The following SP110 variants were observed in gnomAD, a reference collection of about 807,000 sequenced individuals.
SP110 encodes SP110 nuclear body protein.
A neutral mutation model predicts 92.7 loss-of-function variants in SP110; 62 were observed. That is an observed-to-expected ratio of 0.67 (90% CI 0.55 to 0.83). SP110 has a LOEUF of 0.83. Ranked by LOEUF, SP110 falls within the 40% of genes least tolerant of loss-of-function variation. The pLI, the probability that SP110 is intolerant of heterozygous loss-of-function variation, is 0.00. For synonymous variants in SP110, 273 were observed against 305.3 expected (o/e 0.89, Z 1.10); for missense variants, 793 against 863.9 (o/e 0.92, Z 1.03).
At chr2:230,216,100 G>A (rs1011364713) in intron 2 of SP110, among the ~76,000 whole-genome samples, 1 of 152,190 alleles carries the variant, frequency 6.6e-6, no homozygotes, top group South Asian at 2.1e-4. Flanking sequence ...GTGCCTGCCT[G>A]TCTCACATCA....
intron 1 of SP110, among the ~76,000 whole-genome samples, chr2:230,225,309 A>G (rs192127634): frequency 1.3e-5 from 2 of 152,300 alleles, no homozygotes; most frequent in Admixed American, 1.3e-4. Context: ...ATGGAGTGCT[A>G]AGAGCATCTC....
At chr2:230,176,576 T>A (rs2041867394) in intron 14 of SP110, 2 of 1,610,616 alleles carry the variant, frequency 1.2e-6, no homozygotes, top group South Asian at 2.2e-5. Flanking sequence ...AATGTGGAGG[T>A]GACTCAGAGC....
rs3820974 is a variant in SP110 at position 230,211,574 on chromosome 2, T to G, written c.668-21A>C. 0.46 allele frequency: 674,208 copies of G among 1,472,124 alleles called. 157,209 individuals are homozygous for G. The highest frequency in any genetic ancestry group is 0.7 in the East Asian group (30,898 of 44,262). 91.2% of individuals were successfully genotyped at this position (1,472,124 alleles called of 1,614,324 possible). ...GGCCACTGAATGGAGGAAGAAAAAG[T>G]TTTAGATCTCAGGAACAGCAAGCAG... On this transcript the variant is annotated intron_variant, in intron 5 of 18. Coordinates refer to ENST00000258381, the MANE Select transcript of SP110 (RefSeq NM_080424.4). This position sits in a 1 kb window ranked among gnomAD's most constrained non-coding sequence, Gnocchi z 4.2.
chr2:230,183,878 T>A (rs1305970998), intron 11 of SP110, among the ~76,000 whole-genome samples: 1 of 152,188 alleles, frequency 6.6e-6, no homozygotes, highest in East Asian at 1.9e-4. Flanking sequence ...TTAATATATG[T>A]CAATACATTT....
chr2:230,182,718 G>A (rs1260167211), intron 12 of SP110, among the ~76,000 whole-genome samples: 3 of 152,202 alleles, frequency 2.0e-5, no homozygotes, highest in Admixed American at 6.5e-5. Flanking sequence ...CTGGGTGTGC[G>A]GGTGCATTTT....
intron 4 of SP110, 109 bp from the exon 5 acceptor site, chr2:230,212,539 G>C (rs574652841): frequency 6.1e-5 from 65 of 1,073,874 alleles, no homozygotes; most frequent in Non-Finnish European, 9.4e-5. Flanking sequence ...CAAGGGCAGA[G>C]GGTTGGAATG....
chr2:230,221,742 G>T (rs947951960), upstream of SP110: 21 of 1,535,568 alleles, frequency 1.4e-5, no homozygotes, highest in Non-Finnish European at 1.7e-5. Context: ...GCCCCTTCAT[G>T]GGCATCTGAG....
intron 5 of SP110, 90 bp downstream of exon 5, chr2:230,212,257 G>A: frequency 1.1e-6 from 1 of 949,222 alleles, no homozygotes. Flanking sequence ...TTTTTCCCAG[G>A]GTTCCCACCA....
At position 230,186,098 on chromosome 2, in the gene SP110, A is replaced by G; in HGVS notation, c.1175T>C (p.Val392Ala). The stretch of plus-strand genomic sequence containing the variant: ...GTCTTTCCTTTGAGTCACCTTATCC[A>G]CCACTTGGAGCTTCTCTTGGATGCC... ...GHGIQEKLQV[V>A]DKVTQRKDDS... Residue 392 changes from valine to alanine, a missense_variant, in exon 11 of 19, where the codon GTG becomes GCG. By Grantham distance (64) the Val-to-Ala change is moderately conservative. Coordinates refer to ENST00000258381, the MANE Select transcript of SP110 (RefSeq NM_080424.4). 6.2e-7 allele frequency: 1 copy of G among 1,614,026 alleles called. No homozygotes were observed. The highest frequency in any genetic ancestry group is 8.5e-7 in the Non-Finnish European group (1 of 1,179,992).
Position 230,211,094 on chromosome 2 carries a change from T to C in SP110, c.751+376A>G, listed in dbSNP as rs1574745088. On this transcript the variant is annotated intron_variant, in intron 6 of 18. Transcript: ENST00000258381. The surrounding 1 kb of genome is among the most constrained non-coding windows in gnomAD (Gnocchi z 4.2). ...GCTCTGTCAAACAGTCCAGCCTGAC[T>C]CAGTTCCCTTGCTTTCCCCTGGGGT... Among the ~76,000 whole-genome samples, 1 of 152,194 alleles carries C rather than the reference T, an allele frequency of 6.6e-6. No homozygotes were observed. The highest frequency in any genetic ancestry group is 1.9e-4 in the East Asian group (1 of 5,194).
intron 14 of SP110, chr2:230,176,851 C>CA: frequency 1.0e-6 from 1 of 996,862 alleles, no homozygotes; most frequent in Non-Finnish European, 1.5e-6. Flanking sequence ...CCCAAGAAGT[C>CA]AAAAAGAAAA....
intron 10 of SP110, among the ~76,000 whole-genome samples, chr2:230,196,072 T>G (rs1385156196): frequency 6.6e-6 from 1 of 152,194 alleles, no homozygotes; most frequent in African/African-American, 2.4e-5. Context: ...TTTTATTACA[T>G]CCAGCATTGA....
chr2:230,197,993 T>A (rs1272755875), intron 10 of SP110, among the ~76,000 whole-genome samples: 7 of 152,316 alleles, frequency 4.6e-5, no homozygotes, highest in East Asian at 3.9e-4. Context: ...TTAGGAATAT[T>A]GTATCACACA....
intron 10 of SP110, among the ~76,000 whole-genome samples, chr2:230,193,452 G>C (rs1371032897): frequency 6.6e-6 from 1 of 152,176 alleles, no homozygotes; most frequent in African/African-American, 2.4e-5. Flanking sequence ...TATAGACCTT[G>C]TGAGTTTTAT....
At chr2:230,204,923 G>C (rs576774146) in intron 8 of SP110, among the ~76,000 whole-genome samples, 2 of 152,240 alleles carry the variant, frequency 1.3e-5, no homozygotes, top group East Asian at 3.9e-4. Flanking sequence ...GAAATGAAAT[G>C]GGAAGAAATG....
chr2:230,208,521 T>C (rs2044125194), intron 7 of SP110, among the ~76,000 whole-genome samples: 1 of 152,110 alleles, frequency 6.6e-6, no homozygotes, highest in Non-Finnish European at 1.5e-5. Context: ...CAGATGTAGT[T>C]AGGGTTTGTA....
intron 18 of SP110, among the ~76,000 whole-genome samples, 162 bp from the exon 19 acceptor site, chr2:230,169,399 C>T (rs1267206508): frequency 1.3e-5 from 2 of 152,168 alleles, no homozygotes; most frequent in Non-Finnish European, 2.9e-5. Flanking sequence ...GCCTTGAATT[C>T]CTGGGCTCAT....
chr2:230,221,011 G>C (rs893132289), upstream of SP110, among the ~76,000 whole-genome samples: 3 of 151,756 alleles, frequency 2.0e-5, no homozygotes, highest in Admixed American at 2.0e-4. Flanking sequence ...GGCCAGGCTC[G>C]GTGGCTCACG....
At chr2:230,183,538 C>G (rs373570190) in intron 12 of SP110, 34 bp downstream of exon 12, 2 of 1,447,660 alleles carry the variant, frequency 1.4e-6, no homozygotes, top group African/African-American at 2.8e-5. Flanking sequence ...CTCTGGGGAG[C>G]CCAGTGGGGA....
Sources: allele counts gnomAD v4.1 joint callset (sites outside exome capture counted in the v4.1 genomes callset), GRCh38; gene constraint gnomAD v4.1.1; non-coding constraint Gnocchi (gnomAD v3.1); transcripts MANE v1.5; gene names NCBI Gene and HGNC (gene_info 2026-07-23, HGNC 2026-07-21).